ESRRB: variants seen among roughly 807,000 people sequenced by gnomAD.
ESRRB encodes estrogen related receptor beta.
ESRRB carries 16 observed loss-of-function variants against 46.0 expected under a neutral mutation model. The observed-to-expected ratio is 0.35, with a 90% CI of 0.24 to 0.53. The LOEUF (loss-of-function observed/expected upper bound fraction) is 0.53, where lower values mean the gene tolerates loss of function less well. Ranked by LOEUF, ESRRB falls within the 20% of genes least tolerant of loss-of-function variation. ESRRB has a pLI of 0.93. For synonymous variants in ESRRB, 246 were observed against 259.6 expected (o/e 0.95, Z 0.50); for missense variants, 488 against 607.4 (o/e 0.80, Z 2.07).
At chr14:76,395,811 TA>T (rs1162774976) in intron 1 of ESRRB, among the ~76,000 whole-genome samples, 1 of 134,310 alleles carries the variant, frequency 7.4e-6, no homozygotes, top group Non-Finnish European at 1.5e-5. Context: ...TAATAAAGAC[TA>T]AAAGTACCAA....
intron 1 of ESRRB, among the ~76,000 whole-genome samples, chr14:76,323,158 C>A (rs1449508745): frequency 6.6e-6 from 1 of 152,152 alleles, no homozygotes; most frequent in Non-Finnish European, 1.5e-5. Context: ...CACAGTGTCA[C>A]ATTGAAAACC....
chr14:76,365,933 G>A (rs1031811744), intron 1 of ESRRB, among the ~76,000 whole-genome samples: 4 of 152,200 alleles, frequency 2.6e-5, no homozygotes, highest in South Asian at 2.1e-4. Flanking sequence ...GCTGACATCC[G>A]GTCTCCTTCC....
chr14:76,488,904 T>G (rs1890115066), intron 5 of ESRRB, among the ~76,000 whole-genome samples: 1 of 152,236 alleles, frequency 6.6e-6, no homozygotes, highest in Admixed American at 6.5e-5. Context: ...CCTTGGTGTG[T>G]GTCTTCCCCT....
intron 1 of ESRRB, chr14:76,407,564 T>G: frequency 1.0e-6 from 1 of 985,766 alleles, no homozygotes; most frequent in Non-Finnish European, 1.2e-6. Flanking sequence ...TCCAGTGATT[T>G]GGGAGCTGCA....
At chr14:76,469,940 T>TTTTTC (rs1566603846) in intron 3 of ESRRB, among the ~76,000 whole-genome samples, 10 of 120,970 alleles carry the variant, frequency 8.3e-5, no homozygotes, top group African/African-American at 2.4e-4. Context: ...TTTTTTTTTT[T>TTTTTC]TTTCTTTTTT....
chr14:76,342,719 G>A lies in ESRRB; in HGVS notation c.2+31803G>A, dbSNP rs113202577. On this transcript the variant is annotated intron_variant, in intron 1 of 6. Transcript: ENST00000512784. ...GGTCCATGCCACAGGGTTGTTGGAT[G>A]TTGACCACTTAGCACATCTCCTGGC... 7.3e-3 allele frequency among the ~76,000 whole-genome samples: 1,109 copies of A among 152,334 alleles called. 15 individuals are homozygous for A. Among genetic ancestry groups the A allele is most frequent in the African/African-American group, 0.025 (1,031 of 41,570 alleles).
At chr14:76,471,871 T>C (rs967925667) in intron 3 of ESRRB, among the ~76,000 whole-genome samples, 3 of 152,186 alleles carry the variant, frequency 2.0e-5, no homozygotes, top group Non-Finnish European at 2.9e-5. Context: ...CTGGAGTGCA[T>C]GATTGAAAGG....
intron 1 of ESRRB, among the ~76,000 whole-genome samples, chr14:76,396,129 C>G (rs754405696): frequency 1.3e-5 from 2 of 152,174 alleles, no homozygotes; most frequent in South Asian, 4.2e-4. Context: ...ACCGAGATCA[C>G]GCCACTGCAC....
chr14:76,325,710 C>G (rs1027382937), intron 1 of ESRRB, among the ~76,000 whole-genome samples: 1 of 152,154 alleles, frequency 6.6e-6, no homozygotes, highest in Non-Finnish European at 1.5e-5. Context: ...CTGGTTGCCT[C>G]TTATAGCTCA....
intron 1 of ESRRB, among the ~76,000 whole-genome samples, chr14:76,393,967 A>ATTTTTTTTTTT (rs71122531): frequency 2.0e-3 from 259 of 126,776 alleles, no homozygotes; most frequent in Non-Finnish European, 2.3e-3. Context: ...TGCCTGGCTA[A>ATTTTTTTTTTT]TTTTTTTTTT....
At chr14:76,465,510 A>C (rs1258299526) in intron 3 of ESRRB, among the ~76,000 whole-genome samples, 1 of 152,188 alleles carries the variant, frequency 6.6e-6, no homozygotes, top group African/African-American at 2.4e-5. Context: ...CTTGTCAGAG[A>C]AACGAGGTGG....
intron 1 of ESRRB, among the ~76,000 whole-genome samples, chr14:76,318,977 A>C (rs549596850): frequency 1.1e-4 from 16 of 152,270 alleles, no homozygotes; most frequent in South Asian, 2.1e-4. Context: ...TTCTCTGCTG[A>C]AGGGGACTCC....
intron 3 of ESRRB, among the ~76,000 whole-genome samples, chr14:76,469,979 G>T (rs1889315227): frequency 1.0e-5 from 1 of 96,938 alleles, no homozygotes; most frequent in African/African-American, 4.1e-5. Flanking sequence ...ACAGAGTCTT[G>T]CTCTGTCACC....
chr14:76,482,126 T>C lies in ESRRB; in HGVS notation c.688T>C (p.Leu230=), dbSNP rs370754873. The change falls in exon 4 of 7, where the codon TTG becomes CTG. Residue 230 remains leucine (L), a splice_region_variant and synonymous_variant. Coordinates refer to ENST00000644823, the MANE Select transcript of ESRRB (RefSeq NM_001379180.1). This position sits in a 1 kb window ranked among gnomAD's most constrained non-coding sequence, Gnocchi z 4.3. ...AATTTCTCCACCTGCTAAAAAGCCATGTGAGTGTCAGGGCAGTCCCTGCCC... is the reference window on the plus strand; with the variant it reads ...AATTTCTCCACCTGCTAAAAAGCCACGTGAGTGTCAGGGCAGTCCCTGCCC... ...LQISPPAKKP[L]TKIVSYLLVA... 41 of 1,611,780 alleles carry C rather than the reference T, an allele frequency of 2.5e-5. No homozygotes were observed. Among genetic ancestry groups the C allele is most frequent in the Non-Finnish European group, 3.4e-5 (40 of 1,177,974 alleles).
At position 76,439,454 on chromosome 14, in the gene ESRRB, G is replaced by A; in HGVS notation, c.164G>A (p.Ser55Asn). The A allele has an allele frequency of 6.2e-7, 1 of 1,613,378 alleles. No individual in the cohort carries two copies. The change falls in exon 2 of 7, where the codon AGC becomes AAC. Residue 55 changes from serine (S) to asparagine (N), a missense_variant. Ser to Asn is a conservative substitution (Grantham distance 46, BLOSUM62 1). Transcript: ENST00000644823. Reference protein sequence around the residue: ...SSGIDALSHHSPSGSSDASGG... With the variant: ...SSGIDALSHHNPSGSSDASGG... ...GGCATCGATGCCCTCAGCCACCACAGCCCCAGTGGCTCGTCCGACGCCAGC... is the reference window on the plus strand; with the variant it reads ...GGCATCGATGCCCTCAGCCACCACAACCCCAGTGGCTCGTCCGACGCCAGC...
chr14:76,433,632 C>A (rs931953916), intron 1 of ESRRB, among the ~76,000 whole-genome samples: 4 of 152,184 alleles, frequency 2.6e-5, no homozygotes, highest in African/African-American at 9.6e-5. Flanking sequence ...CTGCTCCGCC[C>A]AGTCCTCTAC....
At chr14:76,390,909 G>C (rs1485207351) in intron 1 of ESRRB, among the ~76,000 whole-genome samples, 1 of 152,188 alleles carries the variant, frequency 6.6e-6, no homozygotes, top group Non-Finnish European at 1.5e-5. Flanking sequence ...GGTCAGGAGA[G>C]GAATGAAGCA....
chr14:76,324,963 CTTTTTTTTTTTTTTT>C (rs34780208), intron 1 of ESRRB, among the ~76,000 whole-genome samples: 1 of 102,212 alleles, frequency 9.8e-6, no homozygotes, highest in South Asian at 3.5e-4. Flanking sequence ...TTTTCTTTTT[CTTTTTTTTTTTTTTT>C]TTTTTTGAGA....
intron 2 of ESRRB, among the ~76,000 whole-genome samples, chr14:76,460,104 C>T (rs553550155): frequency 6.6e-6 from 1 of 152,320 alleles, no homozygotes; most frequent in African/African-American, 2.4e-5. Flanking sequence ...AATGGTAGAA[C>T]ATGGTTCATG....
Sources: allele counts gnomAD v4.1 joint callset (sites outside exome capture counted in the v4.1 genomes callset), GRCh38; gene constraint gnomAD v4.1.1; non-coding constraint Gnocchi (gnomAD v3.1); transcripts MANE v1.5; gene names NCBI Gene and HGNC (gene_info 2026-07-23, HGNC 2026-07-21).